CPEB3: variants seen among roughly 807,000 people sequenced by gnomAD.
CPEB3 encodes the protein cytoplasmic polyadenylation element-binding protein 3.
In CPEB3, 20 loss-of-function variants were observed where a neutral mutation model predicts 67.2. The ratio of observed to expected loss-of-function variants is 0.30; its 90% confidence interval spans 0.21 to 0.43. The LOEUF is 0.43. Ranked by LOEUF, CPEB3 falls within the 20% of genes least tolerant of loss-of-function variation. The probability of loss-of-function intolerance (pLI) is 1.00; values close to 1 mark genes in which losing one functional copy is unlikely to be tolerated. For synonymous variants in CPEB3, 376 were observed against 393.1 expected, an observed-to-expected ratio of 0.96 and a Z score of 0.51; for missense variants, 746 against 968.6, an observed-to-expected ratio of 0.77 and a Z score of 3.05.
chr10:92,280,600 T>C (rs1400040592), intron 1 of CPEB3, among the ~76,000 whole-genome samples: 3 of 143,068 alleles, frequency 2.1e-5, no homozygotes, highest in Middle Eastern at 6.8e-3. Context: ...TACATGCCCG[T>C]AGTCCCAGCC....
intron 9 of CPEB3, among the ~76,000 whole-genome samples, chr10:92,068,399 A>G (rs558337343): frequency 6.6e-6 from 1 of 152,298 alleles, no homozygotes; most frequent in African/African-American, 2.4e-5. Context: ...GGGTATAGAG[A>G]TGCAGAGCAC....
chr10:92,218,273 G>A (rs545366351), intron 2 of CPEB3, among the ~76,000 whole-genome samples: 7 of 152,226 alleles, frequency 4.6e-5, no homozygotes, highest in East Asian at 3.9e-4. Flanking sequence ...CCAGAGTGGC[G>A]GCACACACCT....
intron 2 of CPEB3, among the ~76,000 whole-genome samples, chr10:92,237,385 A>T (rs1851590699): frequency 6.6e-6 from 1 of 152,232 alleles, no homozygotes; most frequent in Admixed American, 6.5e-5. Context: ...ATCACCAGGG[A>T]TGGAAAGATG....
intron 1 of CPEB3, among the ~76,000 whole-genome samples, chr10:92,287,781 T>C (rs191595552): frequency 6.6e-6 from 1 of 152,322 alleles, no homozygotes; most frequent in East Asian, 1.9e-4. Context: ...TTATTTGTGA[T>C]ATAATTCACA....
At chr10:92,095,601 T>TATATATATATATATATATATATA (rs1491405800) in intron 7 of CPEB3, among the ~76,000 whole-genome samples, 27 of 87,678 alleles carry the variant, frequency 3.1e-4, no homozygotes, top group African/African-American at 7.2e-4. Context: ...TATATATATA[T>TATATATATATATATATATATATA]TTTTTTTTTT....
At chr10:92,106,690 C>T (rs1005420931) in intron 7 of CPEB3, among the ~76,000 whole-genome samples, 1 of 151,566 alleles carries the variant, frequency 6.6e-6, no homozygotes, top group African/African-American at 2.4e-5. Flanking sequence ...TGACACATGC[C>T]TGTAATCCCA....
Position 92,192,466 on chromosome 10 carries a change from A to T in CPEB3, c.1165+11T>A. 1 of 1,600,856 alleles carries T rather than the reference A, an allele frequency of 6.2e-7. No homozygotes were observed. The highest frequency in any genetic ancestry group is 8.5e-7 in the Non-Finnish European group (1 of 1,174,446). ...CACCAAGCAAGAAATGGACATATGA[A>T]TATTCCTAACCTGCAAAATGATTCC... On this transcript the variant is annotated intron_variant, in intron 3 of 9. Transcript: ENST00000265997.
At chr10:92,248,768 A>G (rs1852172250) in intron 1 of CPEB3, among the ~76,000 whole-genome samples, 1 of 152,224 alleles carries the variant, frequency 6.6e-6, no homozygotes, top group East Asian at 1.9e-4. Context: ...CCGCCCTTCC[A>G]CAGAAATTGT....
At chr10:92,138,450 G>A (rs1016769428) in intron 6 of CPEB3, 9 of 151,506 alleles carry the variant, frequency 5.9e-5, no homozygotes, top group African/African-American at 2.2e-4. Context: ...GAAGGAAAGA[G>A]AGCCAAGGGA....
chr10:92,209,117 A>G (rs1192662626), intron 2 of CPEB3, among the ~76,000 whole-genome samples: 4 of 152,196 alleles, frequency 2.6e-5, no homozygotes, highest in Non-Finnish European at 1.5e-5. Context: ...AACAGCCCTG[A>G]GCATACTTGG....
chr10:92,165,247 T>C (rs1389124369), intron 4 of CPEB3, among the ~76,000 whole-genome samples: 2 of 152,036 alleles, frequency 1.3e-5, no homozygotes, highest in Admixed American at 6.6e-5. Context: ...AGGAGCTGAG[T>C]GCTACAGTGA....
intron 1 of CPEB3, among the ~76,000 whole-genome samples, chr10:92,285,876 A>T (rs1842504349): frequency 6.6e-6 from 1 of 151,948 alleles, no homozygotes; most frequent in Non-Finnish European, 1.5e-5. Flanking sequence ...TTTATTTGAC[A>T]CTTCCTCAAA....
intron 1 of CPEB3, among the ~76,000 whole-genome samples, chr10:92,244,381 T>C (rs562410044): frequency 8.0e-4 from 121 of 151,886 alleles, no homozygotes; most frequent in Non-Finnish European, 1.3e-3. Flanking sequence ...CAATTGTACA[T>C]GTTTAGTGTT....
At chr10:92,216,915 C>T (rs547392477) in intron 2 of CPEB3, 3 of 817,964 alleles carry the variant, frequency 3.7e-6, no homozygotes, top group Non-Finnish European at 6.1e-6. Context: ...GGCACGCCTT[C>T]TTACCAGGCA....
rs1852135308 is a variant in CPEB3 at position 92,047,045 on chromosome 10, C to T, written c.*5167G>A. ...ACTTTATACCCCAACAGAACTATATCCAGGAAAGAAAAAGAGCAGAAGTTA... is the reference window on the plus strand; with the variant it reads ...ACTTTATACCCCAACAGAACTATATTCAGGAAAGAAAAAGAGCAGAAGTTA... On this transcript the variant is annotated 3_prime_UTR_variant, in exon 10 of 10. Coordinates refer to ENST00000265997, the MANE Select transcript of CPEB3 (RefSeq NM_014912.5). 1 of 152,096 alleles carries T rather than the reference C, an allele frequency of 6.6e-6. No individual in the cohort carries two copies. Among genetic ancestry groups the T allele is most frequent in the Non-Finnish European group, 1.5e-5 (1 of 68,024 alleles). 9.4% of individuals were successfully genotyped at this position (152,096 alleles called of 1,614,324 possible).
chr10:92,266,394 C>T (rs2134951060), intron 1 of CPEB3, among the ~76,000 whole-genome samples: 1 of 152,226 alleles, frequency 6.6e-6, no homozygotes, highest in Non-Finnish European at 1.5e-5. Context: ...TTTCTAAAGT[C>T]ACTGCAGTTT....
At chr10:92,095,601 T>TATG (rs1491405800) in intron 7 of CPEB3, among the ~76,000 whole-genome samples, 1 of 87,684 alleles carries the variant, frequency 1.1e-5, no homozygotes, top group East Asian at 4.2e-4. Flanking sequence ...TATATATATA[T>TATG]TTTTTTTTTT....
chr10:92,289,072 G>C (rs1350491182), intron 1 of CPEB3, among the ~76,000 whole-genome samples: 1 of 151,810 alleles, frequency 6.6e-6, no homozygotes, highest in Admixed American at 6.6e-5. Context: ...GTGAGACCCT[G>C]CCTCTGCCAA....
chr10:92,207,834 C>T (rs1309387220), intron 2 of CPEB3, among the ~76,000 whole-genome samples: 1 of 152,258 alleles, frequency 6.6e-6, no homozygotes, highest in East Asian at 1.9e-4. Flanking sequence ...CACACCACTA[C>T]ACTCCAGCCT....
Sources: allele counts gnomAD v4.1 joint callset (sites outside exome capture counted in the v4.1 genomes callset), GRCh38; gene constraint gnomAD v4.1.1; transcripts MANE v1.5; gene names NCBI Gene and HGNC (gene_info 2026-07-23, HGNC 2026-07-21).